The following ATP6V0C variants were observed in gnomAD, a reference collection of about 807,000 sequenced individuals.
ATP6V0C encodes V-type proton ATPase 16 kDa proteolipid subunit c.
In ATP6V0C, 2 loss-of-function variants were observed where a neutral mutation model predicts 10.6. The observed-to-expected ratio is 0.19, with a 90% confidence interval of 0.08 to 0.59. The LOEUF (loss-of-function observed/expected upper bound fraction) is 0.59, where lower values mean the gene tolerates loss of function less well. ATP6V0C is among the 20% of genes least tolerant of loss of function. The pLI is 0.90. For missense variants in ATP6V0C, 89 were observed against 225.9 expected, an observed-to-expected ratio of 0.39 and a Z score of 3.88; for synonymous variants, 128 against 101.3, an observed-to-expected ratio of 1.26 and a Z score of -1.59.
intron 1 of ATP6V0C, among the ~76,000 whole-genome samples, chr16:2,516,420 G>A (rs1247316690): frequency 6.6e-6 from 1 of 152,114 alleles, no homozygotes; most frequent in Non-Finnish European, 1.5e-5. Flanking sequence ...CTCAACTTCT[G>A]ACTTCATTTC....
In ATP6V0C at chr16:2,517,275, C is replaced by T. The variant is rs576565035; in HGVS notation, c.80-1943C>T. On this transcript the variant is annotated intron_variant, in intron 1 of 2. Coordinates refer to ENST00000330398, the MANE Select transcript of ATP6V0C (RefSeq NM_001694.4). ...CCCTGGGCCCCAGTCTGCAGGTGCA[C>T]TGGGTGTTGGCATGGCATGTCTGGG... is the stretch of plus-strand genomic sequence containing the variant. 654 of 152,462 alleles carry T rather than the reference C, an allele frequency of 4.3e-3. 2 individuals are homozygous for T. The highest frequency in any genetic ancestry group is 6.7e-3 in the Non-Finnish European group (457 of 68,102). The allele number at this position is 152,462 out of a possible 1,614,324, so 9.4% of individuals were successfully genotyped here.
intron 1 of ATP6V0C, chr16:2,518,960 G>C (rs532133558): frequency 2.1e-6 from 1 of 467,658 alleles, no homozygotes; most frequent in Non-Finnish European, 3.8e-6. Flanking sequence ...CCCAAGAGCT[G>C]CTGCTGGAGG....
Position 2,519,570 on chromosome 16 carries a change from G to C in ATP6V0C, c.293G>C (p.Ser98Thr). Residue 98 changes from serine (S) to threonine (T), a missense_variant, in exon 3 of 3, where the codon AGC becomes ACC. Transcript: ENST00000330398. Reference sequence around the variant, plus strand: ...TTCCTCCAGCTGGGCGCCGGCCTGAGCGTGGGCCTGAGCGGCCTGGCAGCC... The same window carrying C: ...TTCCTCCAGCTGGGCGCCGGCCTGACCGTGGGCCTGAGCGGCCTGGCAGCC... Reference protein sequence around the residue: ...KSFLQLGAGLSVGLSGLAAGF... With the variant: ...KSFLQLGAGLTVGLSGLAAGF... 6.4e-7 allele frequency: 1 copy of C among 1,572,088 alleles called. No individual in the cohort carries two copies. The highest frequency in any genetic ancestry group is 8.7e-7 in the Non-Finnish European group (1 of 1,154,682).
chr16:2,516,035 G>A (rs1015594368), intron 1 of ATP6V0C, among the ~76,000 whole-genome samples: 1 of 151,672 alleles, frequency 6.6e-6, no homozygotes, highest in Non-Finnish European at 1.5e-5. Flanking sequence ...CGGGATAAAC[G>A]TGGCTTACTG....
At chr16:2,517,743 G>GTA (rs2065884336) in intron 1 of ATP6V0C, 1 of 152,744 alleles carries the variant, frequency 6.5e-6, no homozygotes, top group East Asian at 1.9e-4. Context: ...GTGTGTGTGT[G>GTA]TGTGTGTGTG....
At chr16:2,515,046 C>G (rs960627030) in intron 1 of ATP6V0C, among the ~76,000 whole-genome samples, 1 of 152,162 alleles carries the variant, frequency 6.6e-6, no homozygotes, top group East Asian at 1.9e-4. Flanking sequence ...AATGAATGAC[C>G]TTCCTTTCCC....
At chr16:2,517,716 T>C (rs1406067115) in intron 1 of ATP6V0C, 318 of 14,584 alleles carry the variant, frequency 0.022, 1 homozygote, top group Middle Eastern at 0.091. Context: ...AGGCTGTTTG[T>C]GTGTGTGTGT....
rs1256892083 is a variant in ATP6V0C, at chr16:2,514,007, C to CGCCG, written c.-96_-93dup. ...GGCTGACGGGCCGGATCGCCTTCGC[C>CGCCG]GCCGCCCGCCCGCAAACCTTCGTGC... On this transcript the variant is annotated 5_prime_UTR_variant, in exon 1 of 3. Coordinates refer to ENST00000330398, the MANE Select transcript of ATP6V0C (RefSeq NM_001694.4). The CGCCG allele has an allele frequency of 8.5e-7, 1 of 1,179,388 alleles. No homozygotes were observed. Among genetic ancestry groups the CGCCG allele is most frequent in the Non-Finnish European group, 1.2e-6 (1 of 846,854 alleles). The allele number at this position is 1,179,388 out of a possible 1,614,324, so 73.1% of individuals were successfully genotyped here.
rs773642572 is a variant in ATP6V0C at position 2,514,207 on chromosome 16, C to CG, written c.79+30dup. On this transcript the variant is annotated intron_variant, in intron 1 of 2. Transcript: ENST00000330398. ...GGTGAGCGCGGCGGCGGGAGGGACT[C>CG]GGGGGCGGGGGCGCGCGCGTTGCTC... 4 of 1,525,158 alleles carry CG rather than the reference C, an allele frequency of 2.6e-6. No homozygotes were observed. In the South Asian group the frequency reaches 4.9e-5, roughly 19 times the overall value. 94.5% of individuals were successfully genotyped at this position (1,525,158 alleles called of 1,614,324 possible).
intron 2 of ATP6V0C, 42 bp downstream of exon 2, chr16:2,519,443 G>T (rs780072027): frequency 1.6e-5 from 25 of 1,582,476 alleles, no homozygotes; most frequent in Non-Finnish European, 2.2e-5. Flanking sequence ...CTGGAGGACT[G>T]CAGGGAGGGG....
At chr16:2,514,598 G>A (rs2065867665) in intron 1 of ATP6V0C, among the ~76,000 whole-genome samples, 1 of 152,284 alleles carries the variant, frequency 6.6e-6, no homozygotes, top group African/African-American at 2.4e-5. Flanking sequence ...CGCGGGCGGC[G>A]GCGCGGGTCC....
In ATP6V0C at chr16:2,519,835, C is replaced by A; in HGVS notation, c.*90C>A. ...AACAGCCTGACACATACGCACGGGG[C>A]CGCCGCCCCCAGTAGTTGGTCTTGT... On this transcript the variant is annotated 3_prime_UTR_variant, in exon 3 of 3. Coordinates refer to ENST00000330398, the MANE Select transcript of ATP6V0C (RefSeq NM_001694.4). 1 of 1,499,394 alleles carries A rather than the reference C, an allele frequency of 6.7e-7. No individual in the cohort carries two copies. The highest frequency in any genetic ancestry group is 9.2e-7 in the Non-Finnish European group (1 of 1,085,014). The allele number at this position is 1,499,394 out of a possible 1,614,324, so 92.9% of individuals were successfully genotyped here. A position where few individuals can be genotyped will look rare whatever the true frequency, so the allele number is the denominator to read the frequency against.
intron 1 of ATP6V0C, among the ~76,000 whole-genome samples, chr16:2,514,687 C>G (rs964274629): frequency 2.0e-5 from 3 of 152,206 alleles, no homozygotes; most frequent in South Asian, 4.1e-4. Flanking sequence ...GTCCTCAGCC[C>G]TCGCCCTTAT....
chr16:2,514,669 C>T (rs939091687), intron 1 of ATP6V0C, among the ~76,000 whole-genome samples: 7 of 152,148 alleles, frequency 4.6e-5, no homozygotes, highest in African/African-American at 1.4e-4. Flanking sequence ...CCATGTCCCC[C>T]ACGGGAGGTC....
Position 2,519,809 on chromosome 16 carries a change from G to C in ATP6V0C, c.*64G>C, listed in dbSNP as rs11546345. ...AGACCACCCCTCCTCATTCCAGAACGAACAGCCTGACACATACGCACGGGG... is the reference window on the plus strand; with the variant it reads ...AGACCACCCCTCCTCATTCCAGAACCAACAGCCTGACACATACGCACGGGG... On this transcript the variant is annotated 3_prime_UTR_variant, in exon 3 of 3. Transcript: ENST00000330398. 0.021 allele frequency: 32,986 copies of C among 1,572,410 alleles called. 432 individuals are homozygous for C. The highest frequency in any genetic ancestry group is 0.025 in the Non-Finnish European group (29,077 of 1,148,780).
At position 2,520,044 on chromosome 16, in the gene ATP6V0C, A is replaced by C; in HGVS notation, c.*299A>C. 1 of 649,386 alleles carries C rather than the reference A, an allele frequency of 1.5e-6. No homozygotes were observed. Among genetic ancestry groups the C allele is most frequent in the Non-Finnish European group, 2.8e-6 (1 of 352,450 alleles). 40.2% of individuals were successfully genotyped at this position (649,386 alleles called of 1,614,324 possible). A position where few individuals can be genotyped will look rare whatever the true frequency, so the allele number is the denominator to read the frequency against. ...CTCTTTACTGGATGTTTATTTATAA[A>C]GATCTGGCCTGTTCCTGCGTCTGCG... is the stretch of plus-strand genomic sequence containing the variant. On this transcript the variant is annotated 3_prime_UTR_variant, in exon 3 of 3. Coordinates refer to ENST00000330398, the MANE Select transcript of ATP6V0C (RefSeq NM_001694.4).
chr16:2,517,793 GTCTC>G (rs1355526498), intron 1 of ATP6V0C: 4 of 152,124 alleles, frequency 2.6e-5, no homozygotes, highest in Non-Finnish European at 5.9e-5. Context: ...TTGAGACGGA[GTCTC>G]TCTGTGTCGC....
chr16:2,514,582 C>T (rs958248281), intron 1 of ATP6V0C, among the ~76,000 whole-genome samples: 7 of 151,004 alleles, frequency 4.6e-5, no homozygotes, highest in African/African-American at 1.5e-4. Flanking sequence ...CTCGAAGGCC[C>T]CAGTGCGCGG....
rs2065863634 is a variant in ATP6V0C at position 2,514,022 on chromosome 16, A to C, written c.-82A>C. On this transcript the variant is annotated 5_prime_UTR_variant, in exon 1 of 3. Coordinates refer to ENST00000330398, the MANE Select transcript of ATP6V0C (RefSeq NM_001694.4). The stretch of plus-strand genomic sequence containing the variant: ...TCGCCTTCGCCGCCGCCCGCCCGCA[A>C]ACCTTCGTGCCCGGCCCGTCCTCGC... The C allele has an allele frequency of 4.5e-6, 6 of 1,340,576 alleles. No individual in the cohort carries two copies. Among genetic ancestry groups the C allele is most frequent in the South Asian group, 1.3e-5 (1 of 75,362 alleles). The allele number at this position is 1,340,576 out of a possible 1,614,324, so 83.0% of individuals were successfully genotyped here.
Sources: allele counts gnomAD v4.1 joint callset (sites outside exome capture counted in the v4.1 genomes callset), GRCh38; gene constraint gnomAD v4.1.1; transcripts MANE v1.5; gene names NCBI Gene and HGNC (gene_info 2026-07-23, HGNC 2026-07-21).